The following TARS1 variants were observed in gnomAD, a reference collection of about 807,000 sequenced individuals.
TARS1 encodes threonyl-tRNA synthetase 1.
A neutral mutation model predicts 97.7 loss-of-function variants in TARS1; 57 were observed. The observed-to-expected ratio is 0.58, with a 90% CI of 0.47 to 0.73. The LOEUF is 0.73. Ranked by LOEUF, TARS1 falls within the 30% of genes least tolerant of loss-of-function variation. The probability of loss-of-function intolerance (pLI) is 0.00; values close to 1 mark genes in which losing one functional copy is unlikely to be tolerated. For synonymous variants in TARS1, 312 were observed against 293.7 expected, an observed-to-expected ratio of 1.06 and a Z score of -0.64; for missense variants, 806 against 888.3, an observed-to-expected ratio of 0.91 and a Z score of 1.18.
chr5:33,440,938 G>A (rs1054648848), upstream of TARS1: 2 of 836,532 alleles, frequency 2.4e-6, no homozygotes, highest in African/African-American at 3.5e-5. Flanking sequence ...TCCGCCGCAA[G>A]TTGGGGGCGG....
At chr5:33,466,057 T>C (rs1742515052) in intron 17 of TARS1, 1 of 152,210 alleles carries the variant, frequency 6.6e-6, no homozygotes, top group African/African-American at 2.4e-5. Context: ...TAGTAGACAG[T>C]GTAACTTCTG....
intron 4 of TARS1, among the ~76,000 whole-genome samples, chr5:33,453,680 A>G (rs187394704): frequency 2.9e-4 from 44 of 152,182 alleles, no homozygotes; most frequent in African/African-American, 9.6e-4. Context: ...TGATTAAGCA[A>G]GTAAAAATTG....
At chr5:33,446,681 A>T in intron 2 of TARS1, 1 of 1,289,372 alleles carries the variant, frequency 7.8e-7, no homozygotes, top group Non-Finnish European at 1.0e-6. Context: ...TGAATGTTGA[A>T]GAGATTTTGA....
chr5:33,464,151 A>G (rs1238656660), intron 17 of TARS1, among the ~76,000 whole-genome samples: 1 of 152,174 alleles, frequency 6.6e-6, no homozygotes, highest in Non-Finnish European at 1.5e-5. Flanking sequence ...TCCTGGGCTC[A>G]CGCAGTCCTC....
chr5:33,461,330 G>A (rs374660114), intron 13 of TARS1, 35 bp downstream of exon 13: 1 of 1,595,132 alleles, frequency 6.3e-7, no homozygotes, highest in Non-Finnish European at 8.5e-7. Flanking sequence ...TTTGAATACT[G>A]TTTGAAATTG....
chr5:33,454,285 A>G (rs560647453), intron 4 of TARS1, among the ~76,000 whole-genome samples: 2 of 152,166 alleles, frequency 1.3e-5, no homozygotes, highest in African/African-American at 2.4e-5. Flanking sequence ...AGTGGTTTTC[A>G]AATGTATTTT....
At chr5:33,449,315 G>A (rs890545100) in intron 3 of TARS1, among the ~76,000 whole-genome samples, 3 of 139,176 alleles carry the variant, frequency 2.2e-5, no homozygotes, top group African/African-American at 8.4e-5. Flanking sequence ...ACATATATAT[G>A]TGTATATATA....
At chr5:33,448,885 C>G (rs1459334118) in intron 3 of TARS1, among the ~76,000 whole-genome samples, 154 bp downstream of exon 3, 3 of 152,024 alleles carry the variant, frequency 2.0e-5, no homozygotes, top group Non-Finnish European at 2.9e-5. Context: ...TTTTAAAAAT[C>G]AAAATGATAC....
Position 33,442,391 on chromosome 5 carries a change from T to G in TARS1, c.57+1248T>G, listed in dbSNP as rs899291120. Reference sequence around the variant, plus strand: ...CTTTCCATGTCCATAAATATTCTCCTGTGCTATTCTTAATTGGACGTGATA... The same window carrying G: ...CTTTCCATGTCCATAAATATTCTCCGGTGCTATTCTTAATTGGACGTGATA... On this transcript the variant is annotated intron_variant, in intron 1 of 18. Transcript: ENST00000265112. 4.7e-5 allele frequency among the ~76,000 whole-genome samples: 7 copies of G among 149,672 alleles called. No individual in the cohort carries two copies. In the Admixed American group the frequency reaches 4.7e-4, roughly 10 times the overall value.
At position 33,445,379 on chromosome 5, in the gene TARS1, G is replaced by A. The variant is rs376051187; in HGVS notation, c.113G>A (p.Gly38Glu). The change falls in exon 2 of 19, where the codon GGA becomes GAA. Residue 38 changes from glycine (G) to glutamate (E), a missense_variant. By Grantham distance (98) the Gly-to-Glu change is moderately conservative. Coordinates refer to ENST00000265112, the MANE Select transcript of TARS1 (RefSeq NM_152295.5). The part of the protein sequence containing the change: ...KEGGKKKNKE[G>E]SGDGGRAELN... The stretch of plus-strand genomic sequence containing the variant: ...GGAGGCAAAAAGAAGAACAAAGAAG[G>A]ATCTGGAGATGGAGGTCGAGCTGAG... 1.2e-6 allele frequency: 2 copies of A among 1,613,464 alleles called. No individual in the cohort carries two copies. The highest frequency in any genetic ancestry group is 2.2e-5 in the South Asian group (2 of 90,998).
intron 1 of TARS1, 114 bp from the exon 2 acceptor site, chr5:33,445,210 T>C: frequency 1.3e-6 from 1 of 757,512 alleles, no homozygotes. Flanking sequence ...CAGATTTCCA[T>C]TTTTTTTAAA....
chr5:33,448,237 T>C (rs1191938526), intron 2 of TARS1, among the ~76,000 whole-genome samples: 4 of 152,220 alleles, frequency 2.6e-5, no homozygotes, highest in African/African-American at 9.7e-5. Context: ...TAGCTCTATT[T>C]GTAAAATAAT....
At chr5:33,458,863 A>AG (rs1033177431) in intron 10 of TARS1, among the ~76,000 whole-genome samples, 199 bp downstream of exon 10, 10 of 152,212 alleles carry the variant, frequency 6.6e-5, no homozygotes, top group African/African-American at 2.2e-4. Context: ...GTGAGCTTGA[A>AG]GGGGGACCTG....
At chr5:33,441,590 C>T (rs1337907497) in intron 1 of TARS1, 1 of 164,008 alleles carries the variant, frequency 6.1e-6, no homozygotes. Context: ...ACCGAGTGCC[C>T]GAGATCTGAC....
chr5:33,465,452 G>A (rs1399109615), intron 17 of TARS1, among the ~76,000 whole-genome samples: 1 of 152,176 alleles, frequency 6.6e-6, no homozygotes, highest in African/African-American at 2.4e-5. Context: ...TAATTATCAG[G>A]CCACTTCCCC....
chr5:33,455,621 G>A lies in TARS1; in HGVS notation c.610G>A (p.Ala204Thr). Residue 204 changes from alanine to threonine, a missense_variant, in exon 6 of 19, where the codon GCT becomes ACT. Physicochemically the swap from Ala to Thr is moderately conservative, Grantham distance 58. Transcript: ENST00000265112. ...VSSNDFSSLE[A>T]LCKKIIKEKQ... Reference sequence around the variant, plus strand: ...TAGCAATGATTTCTCTTCTCTGGAGGCTTTGTGTAAGAAAATCATTAAAGA... The same window carrying A: ...TAGCAATGATTTCTCTTCTCTGGAGACTTTGTGTAAGAAAATCATTAAAGA... 1 of 1,612,706 alleles carries A rather than the reference G, an allele frequency of 6.2e-7. No homozygotes were observed. Among genetic ancestry groups the A allele is most frequent in the Non-Finnish European group, 8.5e-7 (1 of 1,179,096 alleles).
intron 3 of TARS1, among the ~76,000 whole-genome samples, chr5:33,450,230 TA>T (rs931853128): frequency 6.6e-6 from 1 of 152,218 alleles, no homozygotes; most frequent in Non-Finnish European, 1.5e-5. Context: ...TTATAAGTGT[TA>T]TGTATTGAAT....
chr5:33,452,429 C>G, intron 3 of TARS1: 2 of 1,535,254 alleles, frequency 1.3e-6, no homozygotes, highest in Non-Finnish European at 1.7e-6. Context: ...ATGGCCTCCT[C>G]TTTTCTTCCT....
At chr5:33,443,096 A>G (rs1237111465) in intron 1 of TARS1, among the ~76,000 whole-genome samples, 3 of 152,206 alleles carry the variant, frequency 2.0e-5, no homozygotes, top group Admixed American at 6.5e-5. Flanking sequence ...TGTACATACC[A>G]TATATACTCA....
Sources: allele counts gnomAD v4.1 joint callset (sites outside exome capture counted in the v4.1 genomes callset), GRCh38; gene constraint gnomAD v4.1.1; transcripts MANE v1.5; gene names NCBI Gene and HGNC (gene_info 2026-07-23, HGNC 2026-07-21).